The following TMEM158 variants were observed in gnomAD, a reference collection of about 807,000 sequenced individuals.
TMEM158 encodes the protein 40 kDa BINP-binding protein.
TMEM158 carries 7 observed loss-of-function variants against 12.0 expected under a neutral mutation model. The ratio of observed to expected loss-of-function variants is 0.59; its 90% CI spans 0.33 to 1.10. The LOEUF (loss-of-function observed/expected upper bound fraction) is 1.10. Ranked by LOEUF, TMEM158 falls within the 50% of genes least tolerant of loss-of-function variation. The pLI is 0.03. For synonymous variants in TMEM158, 209 were observed against 231.1 expected, an observed-to-expected ratio of 0.90 and a Z score of 0.87; for missense variants, 405 against 454.7, an observed-to-expected ratio of 0.89 and a Z score of 0.99.
At position 45,225,135 on chromosome 3, in the gene TMEM158, G is replaced by A; in HGVS notation, c.893C>T (p.Ala298Val). ...GAGGAGCGGAGCGGGTCACTTGGTC[G>A]CCACCCCCGAAGTGACGGCCGCGGC... ...AAAAAVTSGV[A>V]TK Residue 298 changes from alanine to valine, a missense_variant, in exon 1 of 1, where the codon GCG becomes GTG. Ala to Val is a moderately conservative substitution (Grantham distance 64, BLOSUM62 0). Transcript: ENST00000503771. The surrounding 1 kb of genome is among the most constrained non-coding windows in gnomAD (Gnocchi z 5.7). The A allele has an allele frequency of 1.6e-6, 2 of 1,256,306 alleles. No homozygotes were observed. Among genetic ancestry groups the A allele is most frequent in the East Asian group, 3.2e-5 (1 of 31,606 alleles). 77.8% of individuals were successfully genotyped at this position (1,256,306 alleles called of 1,614,324 possible).
chr3:45,225,870 G>A lies in TMEM158; in HGVS notation c.158C>T (p.Ser53Leu). The A allele has an allele frequency of 8.2e-7, 1 of 1,222,152 alleles. No homozygotes were observed. 75.7% of individuals were successfully genotyped at this position (1,222,152 alleles called of 1,614,324 possible). A position where few individuals can be genotyped will look rare whatever the true frequency, so the allele number is the denominator to read the frequency against. Reference protein sequence around the residue: ...DEPIAPRLLASAAPGPPERPG... With the variant: ...DEPIAPRLLALAAPGPPERPG... ...GCGCTCGGGGGGCCCGGGGGCCGCCGAGGCCAGCAGCCGCGGGGCGATGGG... is the reference window on the plus strand; with the variant it reads ...GCGCTCGGGGGGCCCGGGGGCCGCCAAGGCCAGCAGCCGCGGGGCGATGGG... The change falls in exon 1 of 1, where the codon TCG (serine) becomes TTG (leucine). Residue 53 changes from serine (S) to leucine (L), a missense_variant. Ser to Leu is a moderately radical substitution (Grantham distance 145). Coordinates refer to ENST00000503771, the MANE Select transcript of TMEM158 (RefSeq NM_015444.3). The surrounding 1 kb of genome is among the most constrained non-coding windows in gnomAD (Gnocchi z 5.7).
At position 45,224,942 on chromosome 3, in the gene TMEM158, C is replaced by T. The variant is rs1276563227; in HGVS notation, c.*183G>A. ...CTCAGTCCAAGGGCTTAAACATCTG[C>T]TTTTCGGAACTGGAAGCGCAGCACA... On this transcript the variant is annotated 3_prime_UTR_variant, in exon 1 of 1. Transcript: ENST00000503771. 6.6e-6 allele frequency: 7 copies of T among 1,058,168 alleles called. No homozygotes were observed. The East Asian group carries it at 2.3e-4, about 34-fold the overall frequency. The allele number at this position is 1,058,168 out of a possible 1,614,324, so 65.5% of individuals were successfully genotyped here. A position where few individuals can be genotyped will look rare whatever the true frequency, so the allele number is the denominator to read the frequency against.
Position 45,225,294 on chromosome 3 carries a change from AC to A in TMEM158, c.733del (p.Val245CysfsTer90). 6.8e-7 allele frequency: 1 copy of A among 1,470,928 alleles called. No individual in the cohort carries two copies. Among genetic ancestry groups the A allele is most frequent in the South Asian group, 1.4e-5 (1 of 73,992 alleles). 91.1% of individuals were successfully genotyped at this position (1,470,928 alleles called of 1,614,324 possible). On this transcript the variant is annotated frameshift_variant, in exon 1 of 1. Transcript: ENST00000503771. LOFTEE classifies it high-confidence loss of function. The surrounding 1 kb of genome is among the most constrained non-coding windows in gnomAD (Gnocchi z 5.7). Reference protein sequence around the residue: ...VWSVAALIWPVPIIAGFLPNG... With the variant: ...VWSVAALIWPXPIIAGFLPNG... ...GGGCAGGAAGCCGGCGATGATGGGC[AC>A]CGGCCAGATGAGGGCGGCCACGCTC... is the stretch of plus-strand genomic sequence containing the variant.
chr3:45,225,660 G>T lies in TMEM158; in HGVS notation c.368C>A (p.Pro123Gln). ...CAGCCCCAGGTGCTCGATGAGCAGC[G>T]GCGGCCCGACGCGGTGGAAGGCGGC... is the stretch of plus-strand genomic sequence containing the variant. ...FAAAFHRVGP[P>Q]LLIEHLGLAA... The change falls in exon 1 of 1, where the codon CCG (proline) becomes CAG (glutamine). Residue 123 changes from proline to glutamine, a missense_variant. Coordinates refer to ENST00000503771, the MANE Select transcript of TMEM158 (RefSeq NM_015444.3). The surrounding 1 kb of genome is among the most constrained non-coding windows in gnomAD (Gnocchi z 5.7). 1 of 1,447,164 alleles carries T rather than the reference G, an allele frequency of 6.9e-7. No homozygotes were observed. The allele number at this position is 1,447,164 out of a possible 1,614,324, so 89.6% of individuals were successfully genotyped here. A position where few individuals can be genotyped will look rare whatever the true frequency, so the allele number is the denominator to read the frequency against.
chr3:45,225,187 C>T lies in TMEM158; in HGVS notation c.841G>A (p.Ala281Thr), dbSNP rs1700144356. 1.6e-6 allele frequency: 2 copies of T among 1,268,084 alleles called. No individual in the cohort carries two copies. Among genetic ancestry groups the T allele is most frequent in the African/African-American group, 3.1e-5 (2 of 64,106 alleles). 78.6% of individuals were successfully genotyped at this position (1,268,084 alleles called of 1,614,324 possible). A position where few individuals can be genotyped will look rare whatever the true frequency, so the allele number is the denominator to read the frequency against. Residue 281 changes from alanine (A) to threonine (T), a missense_variant, in exon 1 of 1, where the codon GCC becomes ACC. Transcript: ENST00000503771. The surrounding 1 kb of genome is among the most constrained non-coding windows in gnomAD (Gnocchi z 5.7). Reference sequence around the variant, plus strand: ...GCGGCGGCAGCGGCGGCGGCGGCGGCGGCTGCGGTGGTCCCTGCGGGCACT... The same window carrying T: ...GCGGCGGCAGCGGCGGCGGCGGCGGTGGCTGCGGTGGTCCCTGCGGGCACT... ...AAVPAGTTAA[A>T]AAAAAAAAAA...
In TMEM158 at chr3:45,225,486, G is replaced by T; in HGVS notation, c.542C>A (p.Ala181Glu). 1 of 1,245,138 alleles carries T rather than the reference G, an allele frequency of 8.0e-7. No homozygotes were observed. The highest frequency in any genetic ancestry group is 1.0e-6 in the Non-Finnish European group (1 of 979,546). 77.1% of individuals were successfully genotyped at this position (1,245,138 alleles called of 1,614,324 possible). A position where few individuals can be genotyped will look rare whatever the true frequency, so the allele number is the denominator to read the frequency against. Residue 181 changes from alanine (A) to glutamate (E), a missense_variant, in exon 1 of 1, where the codon GCG becomes GAG. Coordinates refer to ENST00000503771, the MANE Select transcript of TMEM158 (RefSeq NM_015444.3). This position sits in a 1 kb window ranked among gnomAD's most constrained non-coding sequence, Gnocchi z 5.7. ...CCACAGCGGCCCGGGCGGCTCGGCC[G>T]CGGGGTAGGCTGGCAGCGCGGTGGG... Reference protein sequence around the residue: ...GAPTALPAYPAAEPPGPLWLQ... With the variant: ...GAPTALPAYPEAEPPGPLWLQ...
Position 45,225,083 on chromosome 3 carries a change from C to T in TMEM158, c.*42G>A, listed in dbSNP as rs1700142246. On this transcript the variant is annotated 3_prime_UTR_variant, in exon 1 of 1. Coordinates refer to ENST00000503771, the MANE Select transcript of TMEM158 (RefSeq NM_015444.3). This position sits in a 1 kb window ranked among gnomAD's most constrained non-coding sequence, Gnocchi z 5.7. ...GAGTCTCCGGCGGGAAAGGCACCCGCGCGCGCGGACACAGGACGGACACAG... is the reference window on the plus strand; with the variant it reads ...GAGTCTCCGGCGGGAAAGGCACCCGTGCGCGCGGACACAGGACGGACACAG... 3 of 1,229,046 alleles carry T rather than the reference C, an allele frequency of 2.4e-6. No individual in the cohort carries two copies. Among genetic ancestry groups the T allele is most frequent in the South Asian group, 8.1e-5 (2 of 24,684 alleles). The allele number at this position is 1,229,046 out of a possible 1,614,324, so 76.1% of individuals were successfully genotyped here. A position where few individuals can be genotyped will look rare whatever the true frequency, so the allele number is the denominator to read the frequency against.
Position 45,225,747 on chromosome 3 carries a change from C to G in TMEM158, c.281G>C (p.Arg94Pro). The change falls in exon 1 of 1, where the codon CGG becomes CCG. Residue 94 changes from arginine (R) to proline (P), a missense_variant. Arg to Pro is a moderately radical substitution (Grantham distance 103, BLOSUM62 -2). Coordinates refer to ENST00000503771, the MANE Select transcript of TMEM158 (RefSeq NM_015444.3). This position sits in a 1 kb window ranked among gnomAD's most constrained non-coding sequence, Gnocchi z 5.7. ...GAGCAGTAGGTCGCACTGGAAGCCC[C>G]GCGGGCGGCCCCAGCGCACGAGCAG... The part of the protein sequence containing the change: ...SSLLVRWGRP[R>P]GFQCDLLLFS... 1.4e-6 allele frequency: 2 copies of G among 1,443,610 alleles called. No individual in the cohort carries two copies. Among genetic ancestry groups the G allele is most frequent in the Non-Finnish European group, 1.8e-6 (2 of 1,093,888 alleles). The allele number at this position is 1,443,610 out of a possible 1,614,324, so 89.4% of individuals were successfully genotyped here.
chr3:45,225,170 AGCGGCGGCG>A lies in TMEM158; in HGVS notation c.849_857del (p.Ala290_Ala292del), dbSNP rs898811347. ...AAGTGACGGCCGCGGCGGCGGCGGC[AGCGGCGGCG>A]GCGGCGGCGGCTGCGGTGGTCCCTG... On this transcript the variant is annotated inframe_deletion, in exon 1 of 1. Coordinates refer to ENST00000503771, the MANE Select transcript of TMEM158 (RefSeq NM_015444.3). The surrounding 1 kb of genome is among the most constrained non-coding windows in gnomAD (Gnocchi z 5.7). 2.6e-5 allele frequency: 33 copies of A among 1,263,264 alleles called. No homozygotes were observed. The highest frequency in any genetic ancestry group is 2.9e-4 in the Middle Eastern group (1 of 3,400). 78.3% of individuals were successfully genotyped at this position (1,263,264 alleles called of 1,614,324 possible). A position where few individuals can be genotyped will look rare whatever the true frequency, so the allele number is the denominator to read the frequency against.
At position 45,225,413 on chromosome 3, in the gene TMEM158, C is replaced by A; in HGVS notation, c.615G>T (p.Glu205Asp). The A allele has an allele frequency of 4.1e-6, 6 of 1,463,850 alleles. No homozygotes were observed. The highest frequency in any genetic ancestry group is 5.5e-6 in the Non-Finnish European group (6 of 1,097,934). 90.7% of individuals were successfully genotyped at this position (1,463,850 alleles called of 1,614,324 possible). A position where few individuals can be genotyped will look rare whatever the true frequency, so the allele number is the denominator to read the frequency against. Residue 205 changes from glutamate to aspartate, a missense_variant, in exon 1 of 1, where the codon GAG becomes GAT. Coordinates refer to ENST00000503771, the MANE Select transcript of TMEM158 (RefSeq NM_015444.3). The surrounding 1 kb of genome is among the most constrained non-coding windows in gnomAD (Gnocchi z 5.7). ...GCCAGCCCGGCTCGCCCTGCAGCTC[C>A]TCCAGGCTGAAGTCTAGGCAGCAGA... is the stretch of plus-strand genomic sequence containing the variant. Reference protein sequence around the residue: ...LHFCCLDFSLEELQGEPGWRL... With the variant: ...LHFCCLDFSLDELQGEPGWRL...
In TMEM158 at chr3:45,225,155, C is replaced by CGCGGCG. The variant is rs890641873; in HGVS notation, c.867_872dup (p.Ala291_Ala292dup). 1.6e-6 allele frequency: 2 copies of CGCGGCG among 1,261,988 alleles called. No individual in the cohort carries two copies. The highest frequency in any genetic ancestry group is 3.2e-5 in the East Asian group (1 of 31,694). 78.2% of individuals were successfully genotyped at this position (1,261,988 alleles called of 1,614,324 possible). A position where few individuals can be genotyped will look rare whatever the true frequency, so the allele number is the denominator to read the frequency against. ...TGGTCGCCACCCCCGAAGTGACGGC[C>CGCGGCG]GCGGCGGCGGCGGCAGCGGCGGCGG... is the stretch of plus-strand genomic sequence containing the variant. On this transcript the variant is annotated inframe_insertion, in exon 1 of 1. Coordinates refer to ENST00000503771, the MANE Select transcript of TMEM158 (RefSeq NM_015444.3). This position sits in a 1 kb window ranked among gnomAD's most constrained non-coding sequence, Gnocchi z 5.7.
chr3:45,225,062 CT>C lies in TMEM158; in HGVS notation c.*62del. 8.2e-7 allele frequency: 1 copy of C among 1,225,610 alleles called. No individual in the cohort carries two copies. The highest frequency in any genetic ancestry group is 4.3e-5 in the Admixed American group (1 of 23,160). 75.9% of individuals were successfully genotyped at this position (1,225,610 alleles called of 1,614,324 possible). ...ACAGCACGAAGCACACCGGCCGAGT[CT>C]CCGGCGGGAAAGGCACCCGCGCGCG... On this transcript the variant is annotated 3_prime_UTR_variant, in exon 1 of 1. Coordinates refer to ENST00000503771, the MANE Select transcript of TMEM158 (RefSeq NM_015444.3). The surrounding 1 kb of genome is among the most constrained non-coding windows in gnomAD (Gnocchi z 5.7).
Position 45,225,030 on chromosome 3 carries a change from G to T in TMEM158, c.*95C>A. The T allele has an allele frequency of 8.3e-7, 1 of 1,198,652 alleles. No homozygotes were observed. Among genetic ancestry groups the T allele is most frequent in the South Asian group, 4.2e-5 (1 of 24,020 alleles). The allele number at this position is 1,198,652 out of a possible 1,614,324, so 74.3% of individuals were successfully genotyped here. On this transcript the variant is annotated 3_prime_UTR_variant, in exon 1 of 1. Transcript: ENST00000503771. The surrounding 1 kb of genome is among the most constrained non-coding windows in gnomAD (Gnocchi z 5.7). Reference sequence around the variant, plus strand: ...CCCCATCTCGGGAAGAGGAACTAACGATAACTACAGCACGAAGCACACCGG... The same window carrying T: ...CCCCATCTCGGGAAGAGGAACTAACTATAACTACAGCACGAAGCACACCGG...
In TMEM158 at chr3:45,225,851, G is replaced by C. The variant is rs1576163928; in HGVS notation, c.177C>G (p.Pro59=). 8.2e-7 allele frequency: 1 copy of C among 1,225,164 alleles called. No individual in the cohort carries two copies. Among genetic ancestry groups the C allele is most frequent in the Non-Finnish European group, 1.0e-6 (1 of 983,764 alleles). The allele number at this position is 1,225,164 out of a possible 1,614,324, so 75.9% of individuals were successfully genotyped here. A position where few individuals can be genotyped will look rare whatever the true frequency, so the allele number is the denominator to read the frequency against. ...CCGCCTCCTCCGGGCCCGGGCGCTC[G>C]GGGGGCCCGGGGGCCGCCGAGGCCA... ...RLLASAAPGP[P]ERPGPEEAAA... is the part of the protein sequence containing the mutation. The change falls in exon 1 of 1, where the codon CCC becomes CCG. Residue 59 remains proline, a synonymous_variant. Coordinates refer to ENST00000503771, the MANE Select transcript of TMEM158 (RefSeq NM_015444.3). The surrounding 1 kb of genome is among the most constrained non-coding windows in gnomAD (Gnocchi z 5.7).
Position 45,224,900 on chromosome 3 carries a change from G to T in TMEM158, c.*225C>A. 1.4e-6 allele frequency: 1 copy of T among 703,776 alleles called. No homozygotes were observed. The highest frequency in any genetic ancestry group is 1.9e-6 in the Non-Finnish European group (1 of 520,258). The allele number at this position is 703,776 out of a possible 1,614,324, so 43.6% of individuals were successfully genotyped here. A position where few individuals can be genotyped will look rare whatever the true frequency, so the allele number is the denominator to read the frequency against. On this transcript the variant is annotated 3_prime_UTR_variant, in exon 1 of 1. Coordinates refer to ENST00000503771, the MANE Select transcript of TMEM158 (RefSeq NM_015444.3). ...CCCCATTTCCCTCCTCTCCGTCTTC[G>T]GAGCTGCGATCCCACCCTCAGTCCA...
rs1281151479 is a variant in TMEM158, at chr3:45,225,437, G to A, written c.591C>T (p.Phe197=). ...CCTCCAGGCTGAAGTCTAGGCAGCA[G>A]AAATGCAGCGGCTCGCCCTGCAGCC... The part of the protein sequence containing the change: ...PLWLQGEPLH[F]CCLDFSLEEL... The change falls in exon 1 of 1, where the codon TTC becomes TTT. Residue 197 remains phenylalanine, a synonymous_variant. Transcript: ENST00000503771. This position sits in a 1 kb window ranked among gnomAD's most constrained non-coding sequence, Gnocchi z 5.7. 7 of 1,405,422 alleles carry A rather than the reference G, an allele frequency of 5.0e-6. No homozygotes were observed. The highest frequency in any genetic ancestry group is 6.6e-6 in the Non-Finnish European group (7 of 1,064,172). 87.1% of individuals were successfully genotyped at this position (1,405,422 alleles called of 1,614,324 possible). A position where few individuals can be genotyped will look rare whatever the true frequency, so the allele number is the denominator to read the frequency against.
Position 45,225,523 on chromosome 3 carries a change from TGGC to T in TMEM158, c.502_504del (p.Ala168del). Reference sequence around the variant, plus strand: ...GGCAGCGCGGTGGGCGCCCCGGCGGTGGCGGCGGCGGCGCTGGGGGCGGCGGCG... The same window carrying T: ...GGCAGCGCGGTGGGCGCCCCGGCGGTGGCGGCGGCGCTGGGGGCGGCGGCG... On this transcript the variant is annotated inframe_deletion, in exon 1 of 1. Coordinates refer to ENST00000503771, the MANE Select transcript of TMEM158 (RefSeq NM_015444.3). The surrounding 1 kb of genome is among the most constrained non-coding windows in gnomAD (Gnocchi z 5.7). The T allele has an allele frequency of 9.3e-7, 1 of 1,072,366 alleles. No homozygotes were observed. The highest frequency in any genetic ancestry group is 1.1e-6 in the Non-Finnish European group (1 of 885,758). The allele number at this position is 1,072,366 out of a possible 1,614,324, so 66.4% of individuals were successfully genotyped here.
Position 45,225,535 on chromosome 3 carries a change from C to T in TMEM158, c.493G>A (p.Ala165Thr). The T allele has an allele frequency of 9.7e-7, 1 of 1,030,382 alleles. No individual in the cohort carries two copies. The highest frequency in any genetic ancestry group is 4.7e-4 in the Middle Eastern group (1 of 2,148). 63.8% of individuals were successfully genotyped at this position (1,030,382 alleles called of 1,614,324 possible). A position where few individuals can be genotyped will look rare whatever the true frequency, so the allele number is the denominator to read the frequency against. ...GGCGCCCCGGCGGTGGCGGCGGCGG[C>T]GCTGGGGGCGGCGGCGGGCCGGAGG... Reference protein sequence around the residue: ...GRLRPAAAPSAAAATAGAPTA... With the variant: ...GRLRPAAAPSTAAATAGAPTA... Residue 165 changes from alanine (A) to threonine (T), a missense_variant, in exon 1 of 1, where the codon GCC becomes ACC. By Grantham distance (58) the Ala-to-Thr change is moderately conservative. Coordinates refer to ENST00000503771, the MANE Select transcript of TMEM158 (RefSeq NM_015444.3). The surrounding 1 kb of genome is among the most constrained non-coding windows in gnomAD (Gnocchi z 5.7).
At position 45,225,085 on chromosome 3, in the gene TMEM158, C is replaced by A; in HGVS notation, c.*40G>T. ...GTCTCCGGCGGGAAAGGCACCCGCG[C>A]GCGCGGACACAGGACGGACACAGGG... On this transcript the variant is annotated 3_prime_UTR_variant, in exon 1 of 1. Coordinates refer to ENST00000503771, the MANE Select transcript of TMEM158 (RefSeq NM_015444.3). This position sits in a 1 kb window ranked among gnomAD's most constrained non-coding sequence, Gnocchi z 5.7. The A allele has an allele frequency of 8.1e-7, 1 of 1,229,294 alleles. No individual in the cohort carries two copies. The highest frequency in any genetic ancestry group is 1.0e-6 in the Non-Finnish European group (1 of 987,268). 76.1% of individuals were successfully genotyped at this position (1,229,294 alleles called of 1,614,324 possible).
Sources: allele counts gnomAD v4.1 joint callset, GRCh38; gene constraint gnomAD v4.1.1; non-coding constraint Gnocchi (gnomAD v3.1); transcripts MANE v1.5; gene names NCBI Gene and HGNC (gene_info 2026-07-23, HGNC 2026-07-21).